Variants in CHD9 observed in about 807,000 individuals in gnomAD.
CHD9 encodes the protein ATP-dependent chromatin remodeler CHD9.
A neutral mutation model predicts 316.1 loss-of-function variants in CHD9; 77 were observed. The observed-to-expected ratio is 0.24, with a 90% confidence interval of 0.20 to 0.29. The LOEUF (loss-of-function observed/expected upper bound fraction) is 0.29, where lower values mean the gene tolerates loss of function less well. Among genes scored for constraint, CHD9 ranks in the 10% least tolerant of loss-of-function variants. The pLI, the probability that CHD9 is intolerant of heterozygous loss-of-function variation, is 1.00. For missense variants in CHD9, 2,763 were observed against 3,438.1 expected (o/e 0.80, Z 4.91); for synonymous variants, 1,129 against 1,158.3 (o/e 0.97, Z 0.51).
chr16:53,236,976 G>A (rs543480881), intron 11 of CHD9, among the ~76,000 whole-genome samples: 52 of 151,960 alleles, frequency 3.4e-4, no homozygotes, highest in Middle Eastern at 3.4e-3. Context: ...GTGCCTTCAC[G>A]GGGAGTCCCA....
In CHD9 at chr16:53,157,192, G is replaced by C; in HGVS notation, c.1103G>C (p.Gly368Ala). Reference sequence around the variant, plus strand: ...AACTTCCCAGATCCTGTTGACTCAGGAACTCAAATGGGCCATTTCAATGAT... The same window carrying C: ...AACTTCCCAGATCCTGTTGACTCAGCAACTCAAATGGGCCATTTCAATGAT... The part of the protein sequence containing the change: ...HMNFPDPVDS[G>A]TQMGHFNDHV... Residue 368 changes from glycine to alanine, a missense_variant, in exon 2 of 39, where the codon GGA becomes GCA. Around this residue, in one of 15 missense-constraint regions of CHD9, gnomAD observed 859 missense variants for 890.4 expected, o/e 0.96. Coordinates refer to ENST00000447540, the MANE Select transcript of CHD9 (RefSeq NM_001308319.2). 1 of 1,607,090 alleles carries C rather than the reference G, an allele frequency of 6.2e-7. No homozygotes were observed. Among genetic ancestry groups the C allele is most frequent in the Non-Finnish European group, 8.5e-7 (1 of 1,176,226 alleles).
chr16:53,194,051 A>G lies in CHD9; in HGVS notation c.1453-15431A>G, dbSNP rs371674683. Among the ~76,000 whole-genome samples the G allele has an allele frequency of 3.2e-4, 49 of 152,274 alleles. 1 individual carries two copies. The South Asian group carries it at 7.9e-3, about 24-fold the overall frequency. On this transcript the variant is annotated intron_variant, in intron 2 of 38. Transcript: ENST00000447540. ...AAAGGGCACTCTTGACAACTAGATC[A>G]GTAAATTCAAAGTTTTAGGTAAAAT...
rs141359444 is a variant in CHD9, at chr16:53,216,855, A to T, written c.1785-5789A>T. On this transcript the variant is annotated intron_variant, in intron 3 of 38. Transcript: ENST00000447540. The stretch of plus-strand genomic sequence containing the variant: ...CTGGGTTTGGGACCCACAAAACTGG[A>T]TGGGTTATTTTTTTCTTACTTTTAT... Among the ~76,000 whole-genome samples, 150 of 150,428 alleles carry T rather than the reference A, an allele frequency of 1.0e-3. No homozygotes were observed. In the East Asian group the frequency reaches 0.028, roughly 28 times the overall value.
At chr16:53,178,640 G>A (rs1053621505) in intron 2 of CHD9, among the ~76,000 whole-genome samples, 2 of 151,664 alleles carry the variant, frequency 1.3e-5, no homozygotes, top group Non-Finnish European at 2.9e-5. Context: ...TTTTTTATTC[G>A]TTGTAGAGAT....
At chr16:53,061,540 G>C (rs1379179936) in intron 1 of CHD9, among the ~76,000 whole-genome samples, 1 of 152,150 alleles carries the variant, frequency 6.6e-6, no homozygotes, top group African/African-American at 2.4e-5. Context: ...ACCGAGAAAG[G>C]GAGAAAAGCC....
chr16:53,321,371 AC>A, intron 37 of CHD9, 154 bp from the exon 38 acceptor site: 1 of 983,858 alleles, frequency 1.0e-6, no homozygotes, highest in Non-Finnish European at 1.2e-6. Flanking sequence ...CCATAGGGTC[AC>A]GGTGGGCCTT....
rs770569015 is a variant in CHD9, at chr16:53,156,481, C to T, written c.392C>T (p.Thr131Ile). 2 of 1,613,996 alleles carry T rather than the reference C, an allele frequency of 1.2e-6. No individual in the cohort carries two copies. The highest frequency in any genetic ancestry group is 1.7e-6 in the Non-Finnish European group (2 of 1,179,892). ...GSPMWGHQTATTISNQNGSPF... is the reference protein window; with the variant it reads ...GSPMWGHQTAITISNQNGSPF... Reference sequence around the variant, plus strand: ...CCAATGTGGGGCCATCAGACAGCTACTACCATTTCAAATCAAAATGGATCT... The same window carrying T: ...CCAATGTGGGGCCATCAGACAGCTATTACCATTTCAAATCAAAATGGATCT... The change falls in exon 2 of 39, where the codon ACT becomes ATT. Residue 131 changes from threonine to isoleucine, a missense_variant. Thr to Ile is a moderately conservative substitution (Grantham distance 89). This residue lies in a region of CHD9 where 859 missense variants were observed against 890.4 expected (regional missense o/e 0.96). Transcript: ENST00000447540.
chr16:53,154,777 T>C (rs2041387571), intron 1 of CHD9, among the ~76,000 whole-genome samples: 1 of 152,190 alleles, frequency 6.6e-6, no homozygotes, highest in African/African-American at 2.4e-5. Flanking sequence ...TGCAGCCTGG[T>C]TTCTAACAGG....
At chr16:53,132,373 C>T (rs2039391309) in intron 1 of CHD9, among the ~76,000 whole-genome samples, 1 of 152,012 alleles carries the variant, frequency 6.6e-6, no homozygotes, top group Admixed American at 6.6e-5. Flanking sequence ...TCACCTTTTC[C>T]TTTTTTCCAG....
chr16:53,321,004 CTAAAA>C (rs1241794765), intron 37 of CHD9, among the ~76,000 whole-genome samples: 3 of 152,082 alleles, frequency 2.0e-5, no homozygotes, highest in Non-Finnish European at 1.5e-5. Context: ...GTAGTGAGAA[CTAAAA>C]TAAAGTTTAC....
At chr16:53,087,260 TC>T (rs1432508108) in intron 1 of CHD9, among the ~76,000 whole-genome samples, 2 of 152,094 alleles carry the variant, frequency 1.3e-5, no homozygotes, top group Non-Finnish European at 2.9e-5. Flanking sequence ...GCTGAGTTCC[TC>T]CTCCTGTTGG....
rs1278801811 is a variant in CHD9, at chr16:53,326,935, T to C, written c.*2040T>C. 1 of 152,226 alleles carries C rather than the reference T, an allele frequency of 6.6e-6. No homozygotes were observed. The allele number at this position is 152,226 out of a possible 1,614,324, so 9.4% of individuals were successfully genotyped here. Reference sequence around the variant, plus strand: ...ACTAAAATCTAATTTATATCAAATTTATGAGAGAAAGTATTTTCCTAATTA... The same window carrying C: ...ACTAAAATCTAATTTATATCAAATTCATGAGAGAAAGTATTTTCCTAATTA... On this transcript the variant is annotated 3_prime_UTR_variant, in exon 39 of 39. Transcript: ENST00000447540.
intron 2 of CHD9, among the ~76,000 whole-genome samples, chr16:53,171,833 CACACACACACACACACACACACACACAG>C (rs1309590546): frequency 1.4e-4 from 1 of 7,402 alleles, no homozygotes; most frequent in Admixed American, 2.1e-3. Context: ...AACAAAACCA[CACACACACACACACACACACACACACAG>C]ACACACACAC....
At chr16:53,185,847 T>C (rs141809580) in intron 2 of CHD9, among the ~76,000 whole-genome samples, 179 of 152,314 alleles carry the variant, frequency 1.2e-3, no homozygotes, top group Non-Finnish European at 2.1e-3. Context: ...TCACATGGTG[T>C]TGGGCCTGCA....
At chr16:53,061,497 A>G (rs2032898250) in intron 1 of CHD9, among the ~76,000 whole-genome samples, 1 of 152,198 alleles carries the variant, frequency 6.6e-6, no homozygotes, top group Non-Finnish European at 1.5e-5. Context: ...TATTTCGGAA[A>G]TGATCCCAGG....
At chr16:53,121,451 A>G (rs1332243456) in intron 1 of CHD9, 2 of 456,064 alleles carry the variant, frequency 4.4e-6, no homozygotes, top group Admixed American at 4.7e-5. Flanking sequence ...GCTGTTTATA[A>G]AAGCAGAACA....
rs2055668104 is a variant in CHD9, at chr16:53,303,788, A to G, written c.5782A>G (p.Ile1928Val). The G allele has an allele frequency of 2.5e-6, 4 of 1,614,030 alleles. No individual in the cohort carries two copies. Among genetic ancestry groups the G allele is most frequent in the Non-Finnish European group, 3.4e-6 (4 of 1,179,894 alleles). The change falls in exon 31 of 39, where the codon ATT becomes GTT. Residue 1928 changes from isoleucine to valine, a missense_variant. Around this residue, in one of 15 missense-constraint regions of CHD9, gnomAD observed 663 missense variants for 751.2 expected, o/e 0.88. Coordinates refer to ENST00000447540, the MANE Select transcript of CHD9 (RefSeq NM_001308319.2). ...ACGTGCTTCTAGGACTTTGTATCGCATTGAACTTCTAAGGAAAGTACGGGA... is the reference window on the plus strand; with the variant it reads ...ACGTGCTTCTAGGACTTTGTATCGCGTTGAACTTCTAAGGAAAGTACGGGA... ...EERASRTLYR[I>V]ELLRKVREQA...
At chr16:53,323,786 A>C (rs1038395529) in intron 38 of CHD9, among the ~76,000 whole-genome samples, 2 of 152,198 alleles carry the variant, frequency 1.3e-5, no homozygotes, top group African/African-American at 4.8e-5. Context: ...GTATGGAGGA[A>C]GGCTAAAGAC....
At chr16:53,083,913 A>G (rs2035243247) in intron 1 of CHD9, among the ~76,000 whole-genome samples, 2 of 151,654 alleles carry the variant, frequency 1.3e-5, no homozygotes, top group African/African-American at 2.4e-5. Flanking sequence ...ACTATGCCCA[A>G]CTAATTTTTT....
Sources: gnomAD v4.1 joint callset for allele counts (sites outside exome capture counted in the v4.1 genomes callset) on GRCh38, gnomAD v4.1.1 for gene constraint, gnomAD v4.1.1 regional missense constraint, MANE v1.5 for transcripts, NCBI Gene and HGNC (gene_info 2026-07-23, HGNC 2026-07-21) for gene names.